FRMD6: variants seen among roughly 807,000 people sequenced by gnomAD.
FRMD6 encodes the protein FERM domain-containing protein 6.
Under a neutral mutation model 73.2 loss-of-function variants are expected in FRMD6, and 37 were observed. That is an observed-to-expected ratio of 0.51 (90% CI 0.39 to 0.66). The LOEUF (loss-of-function observed/expected upper bound fraction) is 0.66, where lower values mean the gene tolerates loss of function less well. Ranked by LOEUF, FRMD6 falls within the 30% of genes least tolerant of loss-of-function variation. The pLI, the probability that FRMD6 is intolerant of heterozygous loss-of-function variation, is 0.00. For synonymous variants in FRMD6, 273 were observed against 282.2 expected, an observed-to-expected ratio of 0.97 and a Z score of 0.33; for missense variants, 714 against 780.5, an observed-to-expected ratio of 0.91 and a Z score of 1.02.
intron 1 of FRMD6, among the ~76,000 whole-genome samples, chr14:51,500,554 T>C (rs1375945814): frequency 6.6e-6 from 1 of 150,722 alleles, no homozygotes; most frequent in Non-Finnish European, 1.5e-5. Flanking sequence ...AAAAAAAAGA[T>C]AGAAAAAGAT....
chr14:51,405,635 C>T, the FRMD6 span, among the ~76,000 whole-genome samples: 4 of 151,892 alleles, frequency 2.6e-5, no homozygotes, highest in South Asian at 2.1e-4. Flanking sequence ...TGTCAGTTCA[C>T]GTCCTCTGCC....
At chr14:51,428,698 T>C in the FRMD6 span, among the ~76,000 whole-genome samples, 71 of 152,224 alleles carry the variant, frequency 4.7e-4, no homozygotes, top group Middle Eastern at 3.4e-3. Context: ...AGATTAAAGA[T>C]GGCTACAAAT....
At position 51,712,502 on chromosome 14, in the gene FRMD6, A is replaced by G. The variant is rs1369945307; in HGVS notation, c.800A>G (p.Gln267Arg). The change falls in exon 9 of 14, where the codon CAA becomes CGA. Residue 267 changes from glutamine (Q) to arginine (R), a missense_variant. Gln to Arg is a conservative substitution (Grantham distance 43). Transcript: ENST00000344768. ...TCACAGAATTTAGATGAAGAGAAAC[A>G]ATTACTTTATGATTTCCCCTGGACA... ...QIFQNLDEEK[Q>R]LLYDFPWTNV... The G allele has an allele frequency of 1.3e-6, 2 of 1,597,858 alleles. No homozygotes were observed. Among genetic ancestry groups the G allele is most frequent in the East Asian group, 2.2e-5 (1 of 44,684 alleles).
At chr14:51,504,016 A>C (rs1883787989) in intron 1 of FRMD6, among the ~76,000 whole-genome samples, 1 of 152,048 alleles carries the variant, frequency 6.6e-6, no homozygotes, top group African/African-American at 2.4e-5. Flanking sequence ...GGTTTATGTC[A>C]TAGAGGTGTT....
the FRMD6 span, among the ~76,000 whole-genome samples, chr14:51,437,159 C>T: frequency 8.5e-5 from 13 of 152,148 alleles, no homozygotes; most frequent in Non-Finnish European, 1.8e-4. Context: ...CGACAGGCCC[C>T]GGTGTGTGAT....
At chr14:51,421,723 GGT>G in the FRMD6 span, among the ~76,000 whole-genome samples, 1 of 152,210 alleles carries the variant, frequency 6.6e-6, no homozygotes, top group East Asian at 1.9e-4. Flanking sequence ...CTAGGGCCAT[GGT>G]GAACCCCAGC....
intron 2 of FRMD6, among the ~76,000 whole-genome samples, chr14:51,601,260 T>C (rs1204876453): frequency 6.6e-6 from 1 of 152,270 alleles, no homozygotes; most frequent in East Asian, 1.9e-4. Flanking sequence ...AGCCCCTGGG[T>C]CAAAGCTTGT....
chr14:51,413,225 A>G, the FRMD6 span, among the ~76,000 whole-genome samples: 1 of 152,112 alleles, frequency 6.6e-6, no homozygotes, highest in Non-Finnish European at 1.5e-5. Flanking sequence ...TTTGTTACAT[A>G]GGTATGCATG....
intron 2 of FRMD6, among the ~76,000 whole-genome samples, chr14:51,624,860 A>G (rs1233636527): frequency 6.6e-6 from 1 of 152,192 alleles, no homozygotes. Context: ...TGTGTCTGGA[A>G]GAGTAACTTG....
intron 1 of FRMD6, among the ~76,000 whole-genome samples, chr14:51,658,327 T>TC (rs200249223): frequency 0.14 from 21,799 of 151,260 alleles, 1,584 homozygotes; most frequent in African/African-American, 0.17. Context: ...TTTTCCCTTT[T>TC]TTCTCTCTCT....
At chr14:51,480,080 G>A in the FRMD6 span, among the ~76,000 whole-genome samples, 1 of 152,166 alleles carries the variant, frequency 6.6e-6, no homozygotes, top group Non-Finnish European at 1.5e-5. Context: ...TGAAGTCAGG[G>A]AGGCCCCAAG....
intron 1 of FRMD6, among the ~76,000 whole-genome samples, chr14:51,658,767 A>G (rs989025859): frequency 2.0e-5 from 3 of 152,212 alleles, no homozygotes; most frequent in Admixed American, 6.5e-5. Context: ...TTGCAAAGGA[A>G]AACTATTCAT....
At chr14:51,574,187 T>C (rs1458732418) in intron 2 of FRMD6, among the ~76,000 whole-genome samples, 3 of 152,168 alleles carry the variant, frequency 2.0e-5, no homozygotes, top group African/African-American at 7.2e-5. Context: ...CAATCCTCTC[T>C]GACCTTAGCC....
chr14:51,699,145 T>C (rs953832996), intron 3 of FRMD6, among the ~76,000 whole-genome samples: 1 of 152,036 alleles, frequency 6.6e-6, no homozygotes, highest in African/African-American at 2.4e-5. Context: ...AAGGCCCCTT[T>C]CCCCCAAAAT....
chr14:51,422,766 G>A, the FRMD6 span, among the ~76,000 whole-genome samples: 38 of 152,334 alleles, frequency 2.5e-4, no homozygotes, highest in South Asian at 8.3e-4. Context: ...TTTTTATGGT[G>A]CACAGGTGGG....
chr14:51,524,937 T>C (rs1157112359), intron 1 of FRMD6, among the ~76,000 whole-genome samples: 2 of 147,322 alleles, frequency 1.4e-5, no homozygotes, highest in Non-Finnish European at 3.0e-5. Flanking sequence ...AATTTAACTT[T>C]GTGCAGAAAG....
intron 2 of FRMD6, among the ~76,000 whole-genome samples, chr14:51,601,446 C>A (rs1408789837): frequency 6.6e-6 from 1 of 152,126 alleles, no homozygotes; most frequent in African/African-American, 2.4e-5. Flanking sequence ...TCACATCAAC[C>A]CTCCATTGCC....
At chr14:51,708,296 A>G in intron 7 of FRMD6, 63 bp downstream of exon 7, 2 of 1,441,078 alleles carry the variant, frequency 1.4e-6, no homozygotes, top group Admixed American at 4.1e-5. Context: ...TAGGATTGAG[A>G]AGGAAAACCG....
At chr14:51,715,699 T>C (rs764254509) in intron 10 of FRMD6, among the ~76,000 whole-genome samples, 200 bp downstream of exon 10, 11 of 152,216 alleles carry the variant, frequency 7.2e-5, no homozygotes, top group Non-Finnish European at 1.6e-4. Flanking sequence ...GTAGCACTTA[T>C]TCAGAATATC....
Sources: allele counts gnomAD v4.1 joint callset (sites outside exome capture counted in the v4.1 genomes callset), GRCh38; gene constraint gnomAD v4.1.1; transcripts MANE v1.5; gene names NCBI Gene and HGNC (gene_info 2026-07-23, HGNC 2026-07-21).